The following ONECUT2 variants were observed in gnomAD, a reference collection of about 807,000 sequenced individuals.
ONECUT2 encodes one cut homeobox 2, also known as one cut domain family member 2.
Under a neutral mutation model 27.9 loss-of-function variants are expected in ONECUT2, and 10 were observed. The observed-to-expected ratio is 0.36, with a 90% CI of 0.22 to 0.61. The LOEUF (loss-of-function observed/expected upper bound fraction) is 0.61, where lower values mean the gene tolerates loss of function less well. ONECUT2 is among the 20% of genes least tolerant of loss of function. The pLI is 0.73. For missense variants in ONECUT2, 686 were observed against 721.0 expected (o/e 0.95, Z 0.56); for synonymous variants, 334 against 315.1 (o/e 1.06, Z -0.64).
intron 1 of ONECUT2, among the ~76,000 whole-genome samples, chr18:57,465,224 A>T (rs112225987): frequency 0.02 from 3,048 of 152,142 alleles, 111 homozygotes; most frequent in African/African-American, 0.069. Flanking sequence ...GTGCAGTGGC[A>T]TGATTGTGGC....
rs536865195 is a variant in ONECUT2 at position 57,489,942 on chromosome 18, C to G, written c.*13219C>G. On this transcript the variant is annotated 3_prime_UTR_variant, in exon 2 of 2. Transcript: ENST00000491143. Reference sequence around the variant, plus strand: ...CTTGGTGTTGGTTTCTCTTTTAATTCGTATCTTCGATCACCTAACCTTTCT... The same window carrying G: ...CTTGGTGTTGGTTTCTCTTTTAATTGGTATCTTCGATCACCTAACCTTTCT... The G allele has an allele frequency of 6.6e-6, 1 of 152,142 alleles. No individual in the cohort carries two copies. Among genetic ancestry groups the G allele is most frequent in the East Asian group, 1.9e-4 (1 of 5,180 alleles). The allele number at this position is 152,142 out of a possible 1,614,324, so 9.4% of individuals were successfully genotyped here. A position where few individuals can be genotyped will look rare whatever the true frequency, so the allele number is the denominator to read the frequency against.
At chr18:57,473,073 T>C (rs1339764298) in intron 1 of ONECUT2, among the ~76,000 whole-genome samples, 2 of 152,242 alleles carry the variant, frequency 1.3e-5, no homozygotes, top group Non-Finnish European at 2.9e-5. Flanking sequence ...TAGTGGTTTC[T>C]ACATCTTAAA....
intron 1 of ONECUT2, among the ~76,000 whole-genome samples, chr18:57,438,269 C>A (rs1443420278): frequency 6.6e-6 from 1 of 152,374 alleles, no homozygotes; most frequent in East Asian, 1.9e-4. Flanking sequence ...ACACACTATA[C>A]CCTATGGCAA....
chr18:57,441,272 A>G (rs2050172623), intron 1 of ONECUT2, among the ~76,000 whole-genome samples: 2 of 152,264 alleles, frequency 1.3e-5, no homozygotes, highest in Admixed American at 6.5e-5. Context: ...AAACGTGTGG[A>G]CCCAGATTTC....
rs1037064687 is a variant in ONECUT2 at position 57,484,481 on chromosome 18, C to G, written c.*7758C>G. 1 of 152,588 alleles carries G rather than the reference C, an allele frequency of 6.6e-6. No individual in the cohort carries two copies. Among genetic ancestry groups the G allele is most frequent in the African/African-American group, 2.4e-5 (1 of 41,426 alleles). 9.5% of individuals were successfully genotyped at this position (152,588 alleles called of 1,614,324 possible). A position where few individuals can be genotyped will look rare whatever the true frequency, so the allele number is the denominator to read the frequency against. ...GGAAAGGGATATTTTCTGTGTTTCT[C>G]TTATATGTTTGCTGTCTGCTCGACA... On this transcript the variant is annotated 3_prime_UTR_variant, in exon 2 of 2. Coordinates refer to ENST00000491143, the MANE Select transcript of ONECUT2 (RefSeq NM_004852.3).
At chr18:57,460,515 A>C (rs746148999) in intron 1 of ONECUT2, among the ~76,000 whole-genome samples, 1 of 151,294 alleles carries the variant, frequency 6.6e-6, no homozygotes, top group Non-Finnish European at 1.5e-5. Flanking sequence ...TTTATGATAT[A>C]TCTTGAGCTC....
intron 1 of ONECUT2, among the ~76,000 whole-genome samples, chr18:57,475,026 C>G (rs1490832345): frequency 6.6e-6 from 1 of 151,098 alleles, no homozygotes; most frequent in African/African-American, 2.4e-5. Context: ...GTCACCACAC[C>G]CCTAGGGGAG....
chr18:57,442,717 T>G (rs1485299333), intron 1 of ONECUT2, among the ~76,000 whole-genome samples: 4 of 152,142 alleles, frequency 2.6e-5, no homozygotes, highest in Admixed American at 2.6e-4. Context: ...GACTCTCTCC[T>G]ACTCCCATCT....
chr18:57,435,695 C>T lies in ONECUT2; in HGVS notation c.-22C>T, dbSNP rs2050134721. On this transcript the variant is annotated 5_prime_UTR_variant, in exon 1 of 2. Transcript: ENST00000491143. Reference sequence around the variant, plus strand: ...CCGGCCGCCCCCGCCGCCCCCGCCGCCCCCGGGCCCTGATGGACTGAATGA... The same window carrying T: ...CCGGCCGCCCCCGCCGCCCCCGCCGTCCCCGGGCCCTGATGGACTGAATGA... 1.8e-6 allele frequency: 2 copies of T among 1,088,470 alleles called. No homozygotes were observed. The allele number at this position is 1,088,470 out of a possible 1,614,324, so 67.4% of individuals were successfully genotyped here. A position where few individuals can be genotyped will look rare whatever the true frequency, so the allele number is the denominator to read the frequency against.
At chr18:57,476,288 A>T in intron 1 of ONECUT2, 149 bp from the exon 2 acceptor site, 1 of 749,228 alleles carries the variant, frequency 1.3e-6, no homozygotes, top group Non-Finnish European at 2.1e-6. Flanking sequence ...CCCGGAGATT[A>T]CAGGGAAGGC....
At position 57,486,387 on chromosome 18, in the gene ONECUT2, T is replaced by C. The variant is rs184740679; in HGVS notation, c.*9664T>C. The stretch of plus-strand genomic sequence containing the variant: ...AGATTTGTACTAATACCAAAGGTTC[T>C]TTCTCTATGTCTCCTCCTCTGCCTC... On this transcript the variant is annotated 3_prime_UTR_variant, in exon 2 of 2. Coordinates refer to ENST00000491143, the MANE Select transcript of ONECUT2 (RefSeq NM_004852.3). 2.0e-3 allele frequency: 301 copies of C among 152,764 alleles called. 1 individual carries two copies. Among genetic ancestry groups the C allele is most frequent in the Non-Finnish European group, 9.8e-4 (67 of 68,046 alleles). 9.5% of individuals were successfully genotyped at this position (152,764 alleles called of 1,614,324 possible).
At chr18:57,446,356 C>T (rs1598932194) in intron 1 of ONECUT2, among the ~76,000 whole-genome samples, 1 of 152,314 alleles carries the variant, frequency 6.6e-6, no homozygotes, top group East Asian at 1.9e-4. Context: ...CTGTGCATTA[C>T]AGTAAACAGA....
At position 57,487,483 on chromosome 18, in the gene ONECUT2, T is replaced by C. The variant is rs2050444326; in HGVS notation, c.*10760T>C. 6.6e-6 allele frequency: 1 copy of C among 152,140 alleles called. No homozygotes were observed. Among genetic ancestry groups the C allele is most frequent in the Non-Finnish European group, 1.5e-5 (1 of 68,042 alleles). The allele number at this position is 152,140 out of a possible 1,614,324, so 9.4% of individuals were successfully genotyped here. A position where few individuals can be genotyped will look rare whatever the true frequency, so the allele number is the denominator to read the frequency against. On this transcript the variant is annotated 3_prime_UTR_variant, in exon 2 of 2. Transcript: ENST00000491143. ...GCTTGGGAATGGCTATTTTTGACTA[T>C]GCGTGGTTTCTTCTCGTATTTTGTG...
Position 57,470,173 on chromosome 18 carries a change from T to G in ONECUT2, c.1229-6264T>G, listed in dbSNP as rs1002599643. ...CTCAGCTGGACTCAAGTGTGCATCTTTAGTCAGCTGCTGGATCAGCTGGGG... is the reference window on the plus strand; with the variant it reads ...CTCAGCTGGACTCAAGTGTGCATCTGTAGTCAGCTGCTGGATCAGCTGGGG... On this transcript the variant is annotated intron_variant, in intron 1 of 1. Coordinates refer to ENST00000491143, the MANE Select transcript of ONECUT2 (RefSeq NM_004852.3). Among the ~76,000 whole-genome samples the G allele has an allele frequency of 2.0e-5, 3 of 152,246 alleles. No homozygotes were observed. The East Asian group carries it at 5.8e-4, about 29-fold the overall frequency.
chr18:57,469,948 T>G (rs2050344240), intron 1 of ONECUT2, among the ~76,000 whole-genome samples: 2 of 152,194 alleles, frequency 1.3e-5, no homozygotes. Context: ...CATCTGAGCT[T>G]CTTACAGTAC....
chr18:57,460,173 C>G (rs1029099352), intron 1 of ONECUT2, among the ~76,000 whole-genome samples: 1 of 148,416 alleles, frequency 6.7e-6, no homozygotes, highest in Admixed American at 6.7e-5. Context: ...GCAATCCCCC[C>G]ACCTCAGCCT....
intron 1 of ONECUT2, among the ~76,000 whole-genome samples, chr18:57,443,262 C>T (rs2050185678): frequency 6.6e-6 from 1 of 152,114 alleles, no homozygotes; most frequent in Non-Finnish European, 1.5e-5. Context: ...GAAATAATTG[C>T]CTGTATAAAG....
chr18:57,471,694 C>T (rs1404047697), intron 1 of ONECUT2, among the ~76,000 whole-genome samples: 6 of 152,214 alleles, frequency 3.9e-5, no homozygotes. Context: ...TACATGCCTG[C>T]CAGTACCAGG....
Position 57,487,232 on chromosome 18 carries a change from C to T in ONECUT2, c.*10509C>T, listed in dbSNP as rs547985068. ...AGCTTTATAATGAGAAACGTTATTC[C>T]TAATTTTTGAGTTAGCCAATTTGCA... On this transcript the variant is annotated 3_prime_UTR_variant, in exon 2 of 2. Transcript: ENST00000491143. The T allele has an allele frequency of 3.9e-5, 6 of 152,568 alleles. No homozygotes were observed. The East Asian group carries it at 5.8e-4, about 15-fold the overall frequency. The allele number at this position is 152,568 out of a possible 1,614,324, so 9.5% of individuals were successfully genotyped here.
Sources: gnomAD v4.1 joint callset for allele counts (sites outside exome capture counted in the v4.1 genomes callset) on GRCh38, gnomAD v4.1.1 for gene constraint, MANE v1.5 for transcripts, NCBI Gene and HGNC (gene_info 2026-07-23, HGNC 2026-07-21) for gene names.